The following SCNN1A variants were observed in gnomAD, a reference collection of about 807,000 sequenced individuals.
SCNN1A encodes epithelial sodium channel subunit alpha.
SCNN1A carries 65 observed loss-of-function variants against 68.6 expected under a neutral mutation model. That is an observed-to-expected ratio of 0.95 (90% confidence interval 0.78 to 1.16). SCNN1A has a LOEUF of 1.16. Ranked by LOEUF, SCNN1A falls within the 50% of genes most tolerant of loss-of-function variation. The pLI is 0.00. For synonymous variants in SCNN1A, 357 were observed against 353.3 expected (o/e 1.01, Z -0.12); for missense variants, 880 against 865.9 (o/e 1.02, Z -0.20).
chr12:6,354,222 C>T (rs1217056181), intron 8 of SCNN1A, among the ~76,000 whole-genome samples: 1 of 151,736 alleles, frequency 6.6e-6, no homozygotes, highest in Non-Finnish European at 1.5e-5. Context: ...CAGAGCGAGA[C>T]TCCATTTCAA....
Position 6,355,393 on chromosome 12 carries a change from G to A in SCNN1A, c.1022C>T (p.Pro341Leu), listed in dbSNP as rs985419660. The stretch of plus-strand genomic sequence containing the variant: ...GGCCCCAGTCACTGTGGACAGCAGG[G>A]GAATGAAGTCATTCTGCTCTGCGCG... ...MLRAEQNDFIPLLSTVTGARV... is the reference protein window; with the variant it reads ...MLRAEQNDFILLLSTVTGARV... The change falls in exon 6 of 13, where the codon CCC (proline) becomes CTC (leucine). Residue 341 changes from proline to leucine, a missense_variant. Physicochemically the swap from Pro to Leu is moderately conservative, Grantham distance 98. Coordinates refer to ENST00000228916, the MANE Select transcript of SCNN1A (RefSeq NM_001038.6). 11 of 1,614,024 alleles carry A rather than the reference G, an allele frequency of 6.8e-6. No homozygotes were observed. Among genetic ancestry groups the A allele is most frequent in the South Asian group, 2.2e-5 (2 of 91,038 alleles).
At chr12:6,371,123 T>C (rs1258476606) in intron 2 of SCNN1A, among the ~76,000 whole-genome samples, 1 of 152,042 alleles carries the variant, frequency 6.6e-6, no homozygotes, top group Admixed American at 6.6e-5. Context: ...ATGTCCACTT[T>C]CCTCCTCTCC....
At chr12:6,355,496 T>C (rs1948481660) in intron 5 of SCNN1A, 61 bp from the exon 6 acceptor site, 7 of 1,574,166 alleles carry the variant, frequency 4.4e-6, no homozygotes, top group East Asian at 2.3e-5. Context: ...AGTTAGGAGA[T>C]GGAAATCCAC....
chr12:6,373,706 G>A lies in SCNN1A; in HGVS notation c.416+662C>T, dbSNP rs72645124. On this transcript the variant is annotated intron_variant, in intron 2 of 12. Transcript: ENST00000228916. ...AAGCACGTAAAGGTCAGGCACCTGG[G>A]CAGGTCAACAGTGCAGCATTTTAGC... Among the ~76,000 whole-genome samples the A allele has an allele frequency of 4.8e-3, 724 of 152,288 alleles. 3 individuals are homozygous for A. The highest frequency in any genetic ancestry group is 8.9e-3 in the Non-Finnish European group (605 of 68,016).
At position 6,363,619 on chromosome 12, in the gene SCNN1A, G is replaced by C. The variant is rs973475246; in HGVS notation, c.508C>G (p.Leu170Val). Residue 170 changes from leucine to valine, a missense_variant, in exon 3 of 13, where the codon CTC becomes GTC. This residue lies in a region of SCNN1A where 758 missense variants were observed against 721.8 expected (regional missense o/e 1.05). Transcript: ENST00000228916. ...DLYKYSSFTT[L>V]VAGSRSRRDL... ...CGACGGCTGCGGGAGCCGGCCACGA[G>C]AGTGGTGAAGGAGCTGTATTTGTAC... 23 of 1,613,218 alleles carry C rather than the reference G, an allele frequency of 1.4e-5. No homozygotes were observed. Among genetic ancestry groups the C allele is most frequent in the Non-Finnish European group, 1.8e-5 (21 of 1,179,652 alleles).
At chr12:6,360,096 A>C (rs1948558828) in intron 4 of SCNN1A, among the ~76,000 whole-genome samples, 1 of 152,168 alleles carries the variant, frequency 6.6e-6, no homozygotes, top group Non-Finnish European at 1.5e-5. Flanking sequence ...GCAACACAAA[A>C]TGGACTAACA....
intron 2 of SCNN1A, among the ~76,000 whole-genome samples, chr12:6,367,058 C>T (rs113366126): frequency 0.068 from 10,383 of 152,122 alleles, 439 homozygotes; most frequent in African/African-American, 0.11. Flanking sequence ...GGCAACACGA[C>T]GAAACCTTGT....
Position 6,351,033 on chromosome 12 carries a change from C to T in SCNN1A, c.1361-1628G>A, listed in dbSNP as rs534235571. On this transcript the variant is annotated intron_variant, in intron 8 of 12. Coordinates refer to ENST00000228916, the MANE Select transcript of SCNN1A (RefSeq NM_001038.6). This position sits in a 1 kb window ranked among gnomAD's most constrained non-coding sequence, Gnocchi z 4.2. ...AGATTACCATATGACCTAGCAATTC[C>T]ATTCCTAGGTATATACCCAAGAAAA... Among the ~76,000 whole-genome samples, 31 of 152,288 alleles carry T rather than the reference C, an allele frequency of 2.0e-4. No individual in the cohort carries two copies. Among genetic ancestry groups the T allele is most frequent in the African/African-American group, 7.5e-4 (31 of 41,556 alleles).
intron 4 of SCNN1A, among the ~76,000 whole-genome samples, chr12:6,360,781 A>AC (rs141530104): frequency 0.28 from 42,159 of 149,590 alleles, 7,120 homozygotes; most frequent in East Asian, 0.45. Flanking sequence ...ACAGAAGGGG[A>AC]CCCCCCCCTC....
At chr12:6,377,251 C>T (rs757528166), upstream of SCNN1A, 23 of 1,550,840 alleles carry the variant, frequency 1.5e-5, no homozygotes, top group South Asian at 2.7e-4. Flanking sequence ...CCCTTGCTTA[C>T]CTTGATACTG....
chr12:6,361,358 C>T (rs1412656614), intron 4 of SCNN1A, among the ~76,000 whole-genome samples: 1 of 152,214 alleles, frequency 6.6e-6, no homozygotes, highest in African/African-American at 2.4e-5. Flanking sequence ...CTACTACTGC[C>T]AGCCTCAGCT....
At chr12:6,350,169 A>T (rs1426054164) in intron 8 of SCNN1A, 8 of 151,238 alleles carry the variant, frequency 5.3e-5, no homozygotes, top group African/African-American at 1.9e-4. Context: ...GTGGTGGCTC[A>T]CGCCTGTAAT....
intron 8 of SCNN1A, chr12:6,353,804 T>C (rs1310138501): frequency 5.0e-5 from 7 of 138,942 alleles, no homozygotes; most frequent in Non-Finnish European, 9.2e-5. Context: ...TTAGCCAGGA[T>C]GGTCTCCATC....
chr12:6,367,403 G>C (rs1231704228), intron 2 of SCNN1A, among the ~76,000 whole-genome samples: 2 of 152,190 alleles, frequency 1.3e-5, no homozygotes, highest in Admixed American at 6.5e-5. Flanking sequence ...GCTCAAATCA[G>C]GCAGCCCCTC....
chr12:6,375,491 C>T lies in SCNN1A; in HGVS notation c.-55+14G>A. On this transcript the variant is annotated intron_variant, in intron 1 of 12. Transcript: ENST00000228916. The stretch of plus-strand genomic sequence containing the variant: ...CCAGTTGAATCTGGCAGCCAAACCT[C>T]TCCTCCCCCTCACCTGACAGGTGCA... 6.5e-7 allele frequency: 1 copy of T among 1,535,644 alleles called. No individual in the cohort carries two copies. Among genetic ancestry groups the T allele is most frequent in the South Asian group, 1.2e-5 (1 of 84,058 alleles).
Position 6,374,916 on chromosome 12 carries a change from C to A in SCNN1A, c.-54-79G>T. 1.2e-6 allele frequency: 2 copies of A among 1,607,908 alleles called. No individual in the cohort carries two copies. Among genetic ancestry groups the A allele is most frequent in the Non-Finnish European group, 1.7e-6 (2 of 1,176,952 alleles). On this transcript the variant is annotated intron_variant, in intron 1 of 12. Transcript: ENST00000228916. This position sits in a 1 kb window ranked among gnomAD's most constrained non-coding sequence, Gnocchi z 6.2. ...GCTCTGGGCCCTGAGTGCCCTCTCC[C>A]ATCACCCCTGGAACCCGAGTGAGGC...
At chr12:6,355,996 T>C in intron 4 of SCNN1A, 116 bp from the exon 5 acceptor site, 2 of 795,880 alleles carry the variant, frequency 2.5e-6, no homozygotes, top group Non-Finnish European at 4.6e-6. Context: ...CTTGTGCCTT[T>C]CAGAGCCATT....
upstream of SCNN1A, chr12:6,376,222 G>C (rs72645145): frequency 1.9e-3 from 1,896 of 982,144 alleles, 18 homozygotes; most frequent in African/African-American, 0.029. Flanking sequence ...GCCTCCTCCT[G>C]GTCCCTCCTC....
upstream of SCNN1A, chr12:6,376,310 G>A (rs997618805): frequency 8.6e-6 from 3 of 350,006 alleles, no homozygotes; most frequent in East Asian, 1.7e-4. Flanking sequence ...GGGGCTAGGC[G>A]GGGCCCTAGG....
Sources: allele counts gnomAD v4.1 joint callset (sites outside exome capture counted in the v4.1 genomes callset), GRCh38; gene constraint gnomAD v4.1.1; regional missense constraint gnomAD v4.1.1; non-coding constraint Gnocchi (gnomAD v3.1); transcripts MANE v1.5; gene names NCBI Gene and HGNC (gene_info 2026-07-23, HGNC 2026-07-21).